USP7: variants seen among roughly 807,000 people sequenced by gnomAD.
The protein encoded by USP7 is ubiquitin C-terminal hydrolase 7.
Under a neutral mutation model 162.9 loss-of-function variants are expected in USP7, and 9 were observed. The observed-to-expected ratio is 0.06, with a 90% CI of 0.03 to 0.10. The LOEUF (loss-of-function observed/expected upper bound fraction) is 0.10, where lower values mean the gene tolerates loss of function less well. Ranked by LOEUF, USP7 falls within the 10% of genes least tolerant of loss-of-function variation. USP7 has a pLI of 1.00. For missense variants in USP7, 715 were observed against 1,373.7 expected, an observed-to-expected ratio of 0.52 and a Z score of 7.58; for synonymous variants, 562 against 475.9, an observed-to-expected ratio of 1.18 and a Z score of -2.35.
At chr16:8,938,239 G>GACT (rs1437610485) in intron 1 of USP7, among the ~76,000 whole-genome samples, 1 of 151,492 alleles carries the variant, frequency 6.6e-6, no homozygotes, top group African/African-American at 2.4e-5. Flanking sequence ...ATTCCTGTAG[G>GACT]ACTGCTACTA....
chr16:8,934,299 T>C (rs903081780), intron 1 of USP7, among the ~76,000 whole-genome samples: 1 of 152,208 alleles, frequency 6.6e-6, no homozygotes, highest in African/African-American at 2.4e-5. Flanking sequence ...GTACAGGTTA[T>C]GGTTTCATGA....
chr16:8,937,837 G>A (rs1364236619), intron 1 of USP7, among the ~76,000 whole-genome samples: 8 of 152,200 alleles, frequency 5.3e-5, no homozygotes, highest in Admixed American at 5.2e-4. Context: ...GGAGACAACT[G>A]GACAAGAGAA....
chr16:8,897,507 G>A (rs2061701732), intron 25 of USP7, among the ~76,000 whole-genome samples: 1 of 151,624 alleles, frequency 6.6e-6, no homozygotes, highest in Admixed American at 6.6e-5. Flanking sequence ...GGCTATTTAT[G>A]TCTCGAATTT....
intron 10 of USP7, among the ~76,000 whole-genome samples, chr16:8,912,517 C>T (rs13380483): frequency 1.7e-3 from 250 of 150,178 alleles, no homozygotes; most frequent in African/African-American, 5.7e-3. Flanking sequence ...GAAACCACCA[C>T]CCATGATGAA....
At chr16:8,908,504 G>T (rs2061894268) in intron 11 of USP7, 54 bp from the exon 12 acceptor site, 1 of 1,467,910 alleles carries the variant, frequency 6.8e-7, no homozygotes, top group Admixed American at 1.9e-5. Flanking sequence ...ACTCCTGGAA[G>T]CAATGAAAGC....
At chr16:8,899,880 T>G in intron 21 of USP7, 123 bp from the exon 22 acceptor site, 3 of 1,235,412 alleles carry the variant, frequency 2.4e-6, no homozygotes, top group Non-Finnish European at 3.5e-6. Context: ...TAAATTCAGG[T>G]TCCCCTTTGA....
At chr16:8,936,664 C>A in intron 1 of USP7, 2 of 1,545,568 alleles carry the variant, frequency 1.3e-6, no homozygotes, top group South Asian at 1.2e-5. Context: ...GAGGTTCTCT[C>A]ACCCACATCA....
intron 21 of USP7, among the ~76,000 whole-genome samples, 164 bp downstream of exon 21, chr16:8,900,366 C>T (rs1056066267): frequency 6.6e-6 from 1 of 151,966 alleles, no homozygotes; most frequent in Non-Finnish European, 1.5e-5. Context: ...AAATGTTCAC[C>T]ACACCTAATT....
rs373405897 is a variant in USP7 at position 8,936,131 on chromosome 16, G to C, written c.80-5734C>G. Among the ~76,000 whole-genome samples, 55 of 152,280 alleles carry C rather than the reference G, an allele frequency of 3.6e-4. No individual in the cohort carries two copies. The South Asian group carries it at 8.7e-3, about 24-fold the overall frequency. Reference sequence around the variant, plus strand: ...ATGTCCTGCCACCAGGTGGTGCCTTGTCCATGAAGACCCAGCTCGGCCTCT... The same window carrying C: ...ATGTCCTGCCACCAGGTGGTGCCTTCTCCATGAAGACCCAGCTCGGCCTCT... On this transcript the variant is annotated intron_variant, in intron 1 of 30. Transcript: ENST00000344836.
At chr16:8,895,543 AC>A in intron 27 of USP7, 98 bp downstream of exon 27, 4 of 1,041,178 alleles carry the variant, frequency 3.8e-6, no homozygotes, top group Non-Finnish European at 2.9e-6. Context: ...GTATAAAAAC[AC>A]AAATCAAGCT....
chr16:8,898,699 T>TGTGA, intron 23 of USP7, 60 bp from the exon 24 acceptor site: 1 of 1,381,868 alleles, frequency 7.2e-7, no homozygotes, highest in Non-Finnish European at 9.8e-7. Context: ...AACAAATATC[T>TGTGA]GTGAGTGAGC....
intron 26 of USP7, among the ~76,000 whole-genome samples, chr16:8,896,719 C>A (rs545810010): frequency 6.6e-6 from 1 of 152,268 alleles, no homozygotes; most frequent in Admixed American, 6.5e-5. Context: ...TCAGAAGATA[C>A]AAGGGGAAGG....
chr16:8,901,866 G>A lies in USP7; in HGVS notation c.2047+216C>T, dbSNP rs989677789. The A allele has an allele frequency of 8.7e-5, 50 of 571,922 alleles. 1 individual carries two copies. The highest frequency in any genetic ancestry group is 8.3e-4 in the South Asian group (40 of 48,114). The allele number at this position is 571,922 out of a possible 1,614,324, so 35.4% of individuals were successfully genotyped here. ...GCTGAGACTGAAGACAGAACAGGACGGCCCCACGTGGCTGCTACTGTCTCC... is the reference window on the plus strand; with the variant it reads ...GCTGAGACTGAAGACAGAACAGGACAGCCCCACGTGGCTGCTACTGTCTCC... On this transcript the variant is annotated intron_variant, in intron 18 of 30. Coordinates refer to ENST00000344836, the MANE Select transcript of USP7 (RefSeq NM_003470.3).
intron 1 of USP7, among the ~76,000 whole-genome samples, chr16:8,955,080 C>A (rs534776158): frequency 6.6e-6 from 1 of 152,286 alleles, no homozygotes; most frequent in African/African-American, 2.4e-5. Flanking sequence ...TCACCTATAC[C>A]CACTTTCTAT....
At chr16:8,951,192 C>G (rs1227500081) in intron 1 of USP7, among the ~76,000 whole-genome samples, 1 of 6,096 alleles carries the variant, frequency 1.6e-4, no homozygotes, top group Non-Finnish European at 5.1e-4. Flanking sequence ...CTGCTACAGT[C>G]ACTTTACAAA....
At chr16:8,946,836 C>T (rs1899308503) in intron 1 of USP7, among the ~76,000 whole-genome samples, 2 of 152,180 alleles carry the variant, frequency 1.3e-5, no homozygotes, top group Admixed American at 1.3e-4. Context: ...AATGTCTGGG[C>T]ATATAAACTC....
chr16:8,910,850 G>C (rs2061935083), intron 10 of USP7, 23 bp from the exon 11 acceptor site: 2 of 1,589,442 alleles, frequency 1.3e-6, no homozygotes, highest in Non-Finnish European at 1.7e-6. Context: ...AGAGAGAAAA[G>C]TCAAGTGCTA....
In USP7 at chr16:8,899,150, T is replaced by C. The variant is rs1414261262; in HGVS notation, c.2502A>G (p.Pro834=). 8 of 1,614,026 alleles carry C rather than the reference T, an allele frequency of 5.0e-6. No individual in the cohort carries two copies. The South Asian group carries it at 8.8e-5, about 18-fold the overall frequency. ...KTVAQRLNTD[P]MLLQFFKSQG... is the part of the protein sequence containing the mutation. ...GAGACTTGAAAAACTGCAGCAACAT[T>C]GGATCTGTGTTGAGCCTCTGTGCAA... The change falls in exon 23 of 31, where the codon CCA becomes CCG. Residue 834 remains proline, a synonymous_variant. Transcript: ENST00000344836.
intron 21 of USP7, 52 bp from the exon 22 acceptor site, chr16:8,899,809 A>G (rs758216906): frequency 4.3e-5 from 69 of 1,604,370 alleles, no homozygotes; most frequent in Non-Finnish European, 5.7e-5. Flanking sequence ...GGCAGGGGGT[A>G]GCTGGTAAAA....
Sources: allele counts gnomAD v4.1 joint callset (sites outside exome capture counted in the v4.1 genomes callset), GRCh38; gene constraint gnomAD v4.1.1; transcripts MANE v1.5; gene names NCBI Gene and HGNC (gene_info 2026-07-23, HGNC 2026-07-21).